NCOA1: variants seen among roughly 807,000 people sequenced by gnomAD.
NCOA1 encodes nuclear receptor coactivator 1, also known as Hin-2 protein.
NCOA1 carries 35 observed loss-of-function variants against 150.9 expected under a neutral mutation model. The ratio of observed to expected loss-of-function variants is 0.23; its 90% CI spans 0.18 to 0.31. The LOEUF (loss-of-function observed/expected upper bound fraction) is 0.31, where lower values mean the gene tolerates loss of function less well. Among genes scored for constraint, NCOA1 ranks in the 10% least tolerant of loss-of-function variants. The pLI is 1.00. For synonymous variants in NCOA1, 590 were observed against 630.0 expected, an observed-to-expected ratio of 0.94 and a Z score of 0.95; for missense variants, 1,491 against 1,749.3, an observed-to-expected ratio of 0.85 and a Z score of 2.63.
At chr2:24,724,277 G>C (rs1023260386) in intron 14 of NCOA1, among the ~76,000 whole-genome samples, 7 of 152,028 alleles carry the variant, frequency 4.6e-5, no homozygotes, top group African/African-American at 9.7e-5. Flanking sequence ...TGACTGTATT[G>C]TCCTGTATTA....
At chr2:24,616,604 C>T (rs55725451) in intron 3 of NCOA1, among the ~76,000 whole-genome samples, 7,630 of 152,208 alleles carry the variant, frequency 0.05, 320 homozygotes, top group African/African-American at 0.12. Context: ...ACAGAGGCAG[C>T]AGTTCTGCAT....
intron 17 of NCOA1, among the ~76,000 whole-genome samples, chr2:24,736,432 C>A (rs916792248): frequency 6.6e-6 from 1 of 151,940 alleles, no homozygotes; most frequent in Non-Finnish European, 1.5e-5. Context: ...AGTCCAGATA[C>A]GTATGTGTTA....
chr2:24,598,383 T>G (rs1378044198), intron 3 of NCOA1, among the ~76,000 whole-genome samples: 4 of 152,212 alleles, frequency 2.6e-5, no homozygotes, highest in African/African-American at 9.6e-5. Context: ...ATTGCTATAT[T>G]GGAATCTTTA....
At chr2:24,523,277 C>T (rs1252406472) in intron 1 of NCOA1, among the ~76,000 whole-genome samples, 2 of 152,134 alleles carry the variant, frequency 1.3e-5, no homozygotes, top group African/African-American at 2.4e-5. Context: ...ATTAGAGTCT[C>T]CCTTCTCCCC....
intron 1 of NCOA1, among the ~76,000 whole-genome samples, chr2:24,516,642 A>AT (rs774423179): frequency 7.9e-5 from 12 of 151,554 alleles, no homozygotes; most frequent in African/African-American, 1.9e-4. Context: ...CAGATTAAGA[A>AT]TTTTTTTAAC....
intron 14 of NCOA1, among the ~76,000 whole-genome samples, chr2:24,725,954 A>G (rs1674596289): frequency 6.6e-6 from 1 of 152,128 alleles, no homozygotes; most frequent in African/African-American, 2.4e-5. Context: ...TAGTACAGAG[A>G]TGATCATAAA....
chr2:24,603,337 G>T (rs1668214976), intron 3 of NCOA1, among the ~76,000 whole-genome samples: 1 of 152,192 alleles, frequency 6.6e-6, no homozygotes, highest in Non-Finnish European at 1.5e-5. Flanking sequence ...CTGAAGATTG[G>T]AATGCTTGTG....
chr2:24,589,979 G>A (rs986366877), intron 3 of NCOA1, among the ~76,000 whole-genome samples: 4 of 152,106 alleles, frequency 2.6e-5, no homozygotes, highest in African/African-American at 9.7e-5. Flanking sequence ...CAGGCCCCAT[G>A]TTCTGACTGT....
At chr2:24,725,262 G>T (rs1310921619) in intron 14 of NCOA1, among the ~76,000 whole-genome samples, 1 of 151,948 alleles carries the variant, frequency 6.6e-6, no homozygotes, top group Non-Finnish European at 1.5e-5. Flanking sequence ...GATTCTATTT[G>T]GGCTACTATA....
intron 1 of NCOA1, among the ~76,000 whole-genome samples, chr2:24,531,919 G>A (rs1419350727): frequency 6.6e-6 from 1 of 152,144 alleles, no homozygotes; most frequent in Non-Finnish European, 1.5e-5. Context: ...GTAAACATAC[G>A]TGTGCATGTG....
chr2:24,560,559 G>A (rs929879131), intron 1 of NCOA1, among the ~76,000 whole-genome samples: 1 of 152,020 alleles, frequency 6.6e-6, no homozygotes, highest in Non-Finnish European at 1.5e-5. Flanking sequence ...CTCCTTTAAT[G>A]TTTTCCCTTT....
At chr2:24,669,918 G>C (rs957511963) in intron 6 of NCOA1, among the ~76,000 whole-genome samples, 1 of 152,110 alleles carries the variant, frequency 6.6e-6, no homozygotes. Context: ...TGAGAAGATC[G>C]CTTGAGCCCA....
intron 1 of NCOA1, among the ~76,000 whole-genome samples, chr2:24,508,629 T>C (rs560244417): frequency 8.6e-5 from 13 of 152,044 alleles, no homozygotes; most frequent in African/African-American, 2.9e-4. Flanking sequence ...CCCCATCCCC[T>C]TTTTTTTCTT....
rs150257260 is a variant in NCOA1, at chr2:24,601,584, T to G, written c.-175+17024T>G. 5.5e-3 allele frequency among the ~76,000 whole-genome samples: 843 copies of G among 152,050 alleles called. 6 individuals carry two copies. The highest frequency in any genetic ancestry group is 9.7e-3 in the Non-Finnish European group (657 of 67,978). Reference sequence around the variant, plus strand: ...TTGATTGGGATTACTCTAGAGATCATTCTTTGGAAAACAGCTCCTCCTTCC... The same window carrying G: ...TTGATTGGGATTACTCTAGAGATCAGTCTTTGGAAAACAGCTCCTCCTTCC... On this transcript the variant is annotated intron_variant, in intron 3 of 22. Coordinates refer to ENST00000348332, the MANE Select transcript of NCOA1 (RefSeq NM_003743.5).
chr2:24,715,236 G>A (rs1485343444), intron 14 of NCOA1, among the ~76,000 whole-genome samples: 1 of 152,068 alleles, frequency 6.6e-6, no homozygotes, highest in Admixed American at 6.6e-5. Flanking sequence ...GTAAAGGTAT[G>A]AATAAATGGA....
chr2:24,639,655 G>A (rs1380701083), intron 3 of NCOA1, among the ~76,000 whole-genome samples: 1 of 151,620 alleles, frequency 6.6e-6, no homozygotes, highest in Non-Finnish European at 1.5e-5. Context: ...TTGGGAGGCC[G>A]AGGCAGGTGG....
intron 8 of NCOA1, among the ~76,000 whole-genome samples, chr2:24,690,675 A>T (rs1356146658): frequency 6.7e-6 from 1 of 150,144 alleles, no homozygotes; most frequent in Non-Finnish European, 1.5e-5. Flanking sequence ...AAAAAAAAAA[A>T]AAAGGCAGTG....
rs767809378 is a variant in NCOA1 at position 24,768,417 on chromosome 2, A to G, written c.*26A>G. On this transcript the variant is annotated 3_prime_UTR_variant, in exon 23 of 23. Coordinates refer to ENST00000348332, the MANE Select transcript of NCOA1 (RefSeq NM_003743.5). ...CCACTTTTAAAGGAATGTGAAATTT[A>G]AATAATAGACATACAGAGATATACA... 6.4e-7 allele frequency: 1 copy of G among 1,550,710 alleles called. No individual in the cohort carries two copies. The highest frequency in any genetic ancestry group is 8.8e-7 in the Non-Finnish European group (1 of 1,139,096).
chr2:24,758,129 A>G lies in NCOA1; in HGVS notation c.4038A>G (p.Pro1346=). Residue 1346 remains proline, a synonymous_variant, in exon 21 of 23, where the codon CCA becomes CCG. Transcript: ENST00000348332. ...TGCAGATGAGCTCTTTGCAGATGCC[A>G]GGAATGAACACTGTGTGCCCTGAGC... is the stretch of plus-strand genomic sequence containing the variant. The part of the protein sequence containing the change: ...AQMQMSSLQM[P]GMNTVCPEQI... The G allele has an allele frequency of 1.2e-6, 2 of 1,614,014 alleles. No homozygotes were observed. Among genetic ancestry groups the G allele is most frequent in the Non-Finnish European group, 8.5e-7 (1 of 1,179,906 alleles).
Sources: gnomAD v4.1 joint callset for allele counts (sites outside exome capture counted in the v4.1 genomes callset) on GRCh38, gnomAD v4.1.1 for gene constraint, MANE v1.5 for transcripts, NCBI Gene and HGNC (gene_info 2026-07-23, HGNC 2026-07-21) for gene names.